The following VXN variants were observed in gnomAD, a reference collection of about 807,000 sequenced individuals.
VXN encodes vexin.
In VXN, 7 loss-of-function variants were observed where a neutral mutation model predicts 23.1. The ratio of observed to expected loss-of-function variants is 0.30; its 90% CI spans 0.17 to 0.57. The LOEUF is 0.57. VXN is among the 20% of genes least tolerant of loss of function. The pLI is 0.91. For missense variants in VXN, 238 were observed against 272.6 expected (o/e 0.87, Z 0.89); for synonymous variants, 120 against 105.8 (o/e 1.13, Z -0.83).
At chr8:66,514,394 G>A (rs1455424687) in intron 5 of VXN, 2 of 152,186 alleles carry the variant, frequency 1.3e-5, no homozygotes, top group Admixed American at 6.5e-5. Flanking sequence ...ATCACAGGGG[G>A]TACCCATCTT....
chr8:66,493,800 C>A lies in VXN; in HGVS notation c.70+82C>A, dbSNP rs1458094465. The A allele has an allele frequency of 3.1e-5, 36 of 1,153,910 alleles. No individual in the cohort carries two copies. The East Asian group carries it at 8.4e-4, about 27-fold the overall frequency. 71.5% of individuals were successfully genotyped at this position (1,153,910 alleles called of 1,614,324 possible). On this transcript the variant is annotated intron_variant, in intron 1 of 5. Transcript: ENST00000305454. The stretch of plus-strand genomic sequence containing the variant: ...AGGACAGTCACGTGCTGCCTTACTA[C>A]GGTTTATCCTCAGGTCTCTGGGGTC...
intron 5 of VXN, chr8:66,514,365 AC>A (rs1289496512): frequency 1.3e-5 from 2 of 152,166 alleles, no homozygotes; most frequent in Non-Finnish European, 2.9e-5. Flanking sequence ...CTGTTCAAAA[AC>A]AAAAAGGTAA....
intron 4 of VXN, among the ~76,000 whole-genome samples, chr8:66,511,137 G>A (rs533389000): frequency 6.6e-6 from 1 of 152,312 alleles, no homozygotes; most frequent in South Asian, 2.1e-4. Flanking sequence ...CAGCTGGGCA[G>A]CTGTCCTTCC....
chr8:66,507,917 A>C (rs997203087), intron 3 of VXN, among the ~76,000 whole-genome samples: 7 of 152,162 alleles, frequency 4.6e-5, no homozygotes, highest in Non-Finnish European at 8.8e-5. Flanking sequence ...ACCTGGATGC[A>C]GTAGCCGTCT....
At chr8:66,507,788 G>A (rs903286764) in intron 3 of VXN, among the ~76,000 whole-genome samples, 1 of 151,780 alleles carries the variant, frequency 6.6e-6, no homozygotes, top group Non-Finnish European at 1.5e-5. Context: ...AGATTCCAGA[G>A]TGGGTGGGAG....
intron 1 of VXN, among the ~76,000 whole-genome samples, chr8:66,496,025 AG>A (rs1807621910): frequency 6.6e-6 from 1 of 152,178 alleles, no homozygotes; most frequent in Admixed American, 6.5e-5. Context: ...TGACTACTCT[AG>A]GAACCCCATA....
At position 66,517,349 on chromosome 8, in the gene VXN, C is replaced by T. The variant is rs1807909583; in HGVS notation, c.*1273C>T. ...TATATCATCCTAATCTTTCTAAAAACTCTATTAGGTGGCCCTATCCACTTA... is the reference window on the plus strand; with the variant it reads ...TATATCATCCTAATCTTTCTAAAAATTCTATTAGGTGGCCCTATCCACTTA... On this transcript the variant is annotated 3_prime_UTR_variant, in exon 6 of 6. Transcript: ENST00000305454. 6.6e-6 allele frequency: 1 copy of T among 152,176 alleles called. No individual in the cohort carries two copies. Among genetic ancestry groups the T allele is most frequent in the African/African-American group, 2.4e-5 (1 of 41,450 alleles). 9.4% of individuals were successfully genotyped at this position (152,176 alleles called of 1,614,324 possible).
chr8:66,513,500 C>G, intron 4 of VXN, 40 bp from the exon 5 acceptor site: 2 of 1,529,372 alleles, frequency 1.3e-6, no homozygotes, highest in Admixed American at 3.3e-5. Context: ...AGTGGGAAGG[C>G]AGATGCATCC....
rs564713200 is a variant in VXN at position 66,517,613 on chromosome 8, G to A, written c.*1537G>A. The A allele has an allele frequency of 6.6e-6, 1 of 152,242 alleles. No homozygotes were observed. The highest frequency in any genetic ancestry group is 2.4e-5 in the African/African-American group (1 of 41,464). 9.4% of individuals were successfully genotyped at this position (152,242 alleles called of 1,614,324 possible). On this transcript the variant is annotated 3_prime_UTR_variant, in exon 6 of 6. Transcript: ENST00000305454. The stretch of plus-strand genomic sequence containing the variant: ...GATAGAAGAATGCTGTGGTCAATTA[G>A]TAATTCTTGCCCATGGAGGGATTAG...
rs1222038965 is a variant in VXN at position 66,510,918 on chromosome 8, C to A, written c.342+761C>A. On this transcript the variant is annotated intron_variant, in intron 4 of 5. Transcript: ENST00000305454. ...ACATCCAGGACTAGGGTTTCAACAC[C>A]TTGTAGGGGGCTCCGGAACAAGCAT... is the stretch of plus-strand genomic sequence containing the variant. Among the ~76,000 whole-genome samples the A allele has an allele frequency of 5.3e-5, 8 of 152,166 alleles. No homozygotes were observed. The East Asian group carries it at 1.3e-3, about 26-fold the overall frequency.
At chr8:66,496,931 C>T (rs1436945571) in intron 2 of VXN, among the ~76,000 whole-genome samples, 1 of 152,024 alleles carries the variant, frequency 6.6e-6, no homozygotes. Flanking sequence ...TGTCGCCAGG[C>T]TGGAGTGCAA....
chr8:66,507,630 G>C (rs957286413), intron 3 of VXN, among the ~76,000 whole-genome samples: 5 of 152,210 alleles, frequency 3.3e-5, no homozygotes, highest in African/African-American at 1.2e-4. Flanking sequence ...TGAAAGACAA[G>C]AGCAATAAGT....
At chr8:66,503,201 G>A (rs1246808235) in intron 2 of VXN, among the ~76,000 whole-genome samples, 2 of 152,144 alleles carry the variant, frequency 1.3e-5, no homozygotes, top group Non-Finnish European at 2.9e-5. Context: ...TAGGAGGCAC[G>A]AAACCATGGT....
intron 2 of VXN, among the ~76,000 whole-genome samples, chr8:66,503,729 G>A (rs1807716787): frequency 6.6e-6 from 1 of 152,140 alleles, no homozygotes; most frequent in African/African-American, 2.4e-5. Flanking sequence ...ACTCAGACCA[G>A]TGTGTTCTAA....
intron 4 of VXN, among the ~76,000 whole-genome samples, chr8:66,511,927 G>A (rs763419469): frequency 6.6e-6 from 1 of 152,080 alleles, no homozygotes; most frequent in Non-Finnish European, 1.5e-5. Context: ...TTAGCCGAGC[G>A]TGGTGAGCCA....
At chr8:66,512,825 G>A (rs1807839724) in intron 4 of VXN, among the ~76,000 whole-genome samples, 1 of 152,164 alleles carries the variant, frequency 6.6e-6, no homozygotes, top group Admixed American at 6.5e-5. Flanking sequence ...CATCAGAGAA[G>A]GGAGCACCCG....
intron 4 of VXN, among the ~76,000 whole-genome samples, chr8:66,512,519 A>G (rs1467948952): frequency 2.0e-5 from 3 of 152,118 alleles, no homozygotes; most frequent in East Asian, 1.9e-4. Flanking sequence ...GAGTGTGTCT[A>G]TTGTCTAAGC....
chr8:66,513,487 C>T, intron 4 of VXN, 53 bp from the exon 5 acceptor site: 1 of 1,459,746 alleles, frequency 6.9e-7, no homozygotes. Flanking sequence ...CAGTCAGGGC[C>T]AGAGTGGGAA....
intron 2 of VXN, 83 bp downstream of exon 2, chr8:66,496,575 C>A: frequency 7.7e-7 from 1 of 1,299,636 alleles, no homozygotes; most frequent in South Asian, 1.2e-5. Context: ...TCTCGCTCCC[C>A]AGCTCTCAGT....
Sources: allele counts gnomAD v4.1 joint callset (sites outside exome capture counted in the v4.1 genomes callset), GRCh38; gene constraint gnomAD v4.1.1; transcripts MANE v1.5; gene names NCBI Gene and HGNC (gene_info 2026-07-23, HGNC 2026-07-21).